GPC6: variants seen among roughly 807,000 people sequenced by gnomAD.
The protein encoded by GPC6 is glypican 6.
In GPC6, 14 loss-of-function variants were observed where a neutral mutation model predicts 55.2. The observed-to-expected ratio is 0.25, with a 90% CI of 0.17 to 0.40. The LOEUF (loss-of-function observed/expected upper bound fraction) is 0.40, where lower values mean the gene tolerates loss of function less well. Among genes scored for constraint, GPC6 ranks in the 10% least tolerant of loss-of-function variants. GPC6 has a pLI of 1.00. For synonymous variants in GPC6, 278 were observed against 259.6 expected (o/e 1.07, Z -0.68); for missense variants, 641 against 708.5 (o/e 0.90, Z 1.08).
At chr13:93,509,974 T>G (rs1880885534) in intron 1 of GPC6, among the ~76,000 whole-genome samples, 1 of 152,220 alleles carries the variant, frequency 6.6e-6, no homozygotes, top group Non-Finnish European at 1.5e-5. Context: ...TAAATTGAAT[T>G]TCTTTCATGA....
intron 1 of GPC6, among the ~76,000 whole-genome samples, chr13:93,506,897 A>C (rs1880742990): frequency 1.8e-5 from 2 of 113,512 alleles, no homozygotes; most frequent in Admixed American, 2.0e-4. Flanking sequence ...GAAAATACAA[A>C]AAAAAAAAAA....
intron 1 of GPC6, among the ~76,000 whole-genome samples, chr13:93,424,380 T>C (rs944606952): frequency 2.0e-5 from 3 of 152,030 alleles, no homozygotes; most frequent in Non-Finnish European, 4.4e-5. Flanking sequence ...TCAGCTAAGG[T>C]TGGATCCCGG....
chr13:93,301,050 C>A (rs2139093973), intron 1 of GPC6, among the ~76,000 whole-genome samples: 1 of 152,236 alleles, frequency 6.6e-6, no homozygotes, highest in African/African-American at 2.4e-5. Flanking sequence ...TGTTGCTTCA[C>A]TTCTTGTACC....
At chr13:93,664,225 T>C (rs138217979) in intron 2 of GPC6, among the ~76,000 whole-genome samples, 205 of 152,284 alleles carry the variant, frequency 1.3e-3, no homozygotes, top group African/African-American at 4.8e-3. Context: ...ATTCTCAAAC[T>C]CCATATATAG....
chr13:94,332,107 T>C (rs1877457598), intron 6 of GPC6, among the ~76,000 whole-genome samples: 1 of 152,206 alleles, frequency 6.6e-6, no homozygotes, highest in South Asian at 2.1e-4. Flanking sequence ...CCGAACAGGT[T>C]CTAGAAACTG....
intron 6 of GPC6, among the ~76,000 whole-genome samples, chr13:94,314,718 C>T (rs949767031): frequency 3.9e-5 from 6 of 152,138 alleles, no homozygotes; most frequent in Non-Finnish European, 8.8e-5. Context: ...ATATTTGCAC[C>T]ACAACTCCCA....
chr13:93,301,759 C>A (rs910449594), intron 1 of GPC6, among the ~76,000 whole-genome samples: 6 of 152,052 alleles, frequency 3.9e-5, no homozygotes, highest in Admixed American at 6.6e-5. Flanking sequence ...ACAAATGGAG[C>A]CTTTGGGAGA....
chr13:93,595,863 C>G (rs1438246228), intron 2 of GPC6, among the ~76,000 whole-genome samples: 3 of 152,126 alleles, frequency 2.0e-5, no homozygotes, highest in African/African-American at 7.2e-5. Flanking sequence ...AGCAGCATGC[C>G]TGTTCCAATG....
At chr13:94,162,899 A>G (rs1374145546) in intron 4 of GPC6, among the ~76,000 whole-genome samples, 1 of 152,166 alleles carries the variant, frequency 6.6e-6, no homozygotes, top group Non-Finnish European at 1.5e-5. Context: ...CACCATGGAC[A>G]TGGACAATAA....
chr13:93,839,888 T>G (rs1269237193), intron 3 of GPC6, among the ~76,000 whole-genome samples: 8 of 152,204 alleles, frequency 5.3e-5, no homozygotes, highest in Admixed American at 5.2e-4. Flanking sequence ...GTTAAGGATT[T>G]TAGCATCTAT....
intron 1 of GPC6, among the ~76,000 whole-genome samples, chr13:93,491,835 A>G (rs1312703420): frequency 8.5e-6 from 1 of 117,522 alleles, no homozygotes; most frequent in African/African-American, 3.1e-5. Context: ...AGTTGTAGGT[A>G]TGCGGCGTTA....
chr13:93,236,242 A>G (rs533306718), intron 1 of GPC6, among the ~76,000 whole-genome samples: 1 of 152,238 alleles, frequency 6.6e-6, no homozygotes, highest in African/African-American at 2.4e-5. Context: ...ATTCTTTTAA[A>G]TTTCAATAGC....
intron 2 of GPC6, among the ~76,000 whole-genome samples, chr13:93,753,122 T>G (rs1157788514): frequency 1.3e-5 from 2 of 152,222 alleles, no homozygotes; most frequent in Admixed American, 1.3e-4. Flanking sequence ...CAGAATGGAT[T>G]ATTCCTTGCC....
intron 2 of GPC6, among the ~76,000 whole-genome samples, chr13:93,605,544 T>C (rs1878201075): frequency 6.6e-6 from 1 of 151,674 alleles, no homozygotes; most frequent in Non-Finnish European, 1.5e-5. Flanking sequence ...ACTGAAAGAG[T>C]GAAGGCTGGC....
chr13:94,225,637 G>A (rs1179287170), intron 4 of GPC6, among the ~76,000 whole-genome samples: 1 of 145,478 alleles, frequency 6.9e-6, no homozygotes, highest in Non-Finnish European at 1.5e-5. Context: ...ATATATGTAA[G>A]GTATATATAT....
At chr13:94,398,747 C>T in intron 8 of GPC6, 106 bp downstream of exon 8, 1 of 873,448 alleles carries the variant, frequency 1.1e-6, no homozygotes. Context: ...AATTTATTCT[C>T]ATTCTTCCTC....
chr13:93,760,390 C>G (rs1417797703), intron 2 of GPC6, among the ~76,000 whole-genome samples: 2 of 152,138 alleles, frequency 1.3e-5, no homozygotes, highest in African/African-American at 2.4e-5. Flanking sequence ...ATGGACGTTC[C>G]TCTCACACCT....
chr13:94,199,116 T>C (rs1889674663), intron 4 of GPC6, among the ~76,000 whole-genome samples: 1 of 152,242 alleles, frequency 6.6e-6, no homozygotes, highest in South Asian at 2.1e-4. Context: ...GGAAGCTACA[T>C]TAGACATTTG....
rs534263877 is a variant in GPC6, at chr13:94,022,553, G to A, written c.712-5176G>A. Among the ~76,000 whole-genome samples, 5 of 152,176 alleles carry A rather than the reference G, an allele frequency of 3.3e-5. No homozygotes were observed. The East Asian group carries it at 5.8e-4, about 18-fold the overall frequency. ...ATAAAGCTGCAATAAACATGGAAGT[G>A]CAGATATCTTTACAAGGTGGTGATT... On this transcript the variant is annotated intron_variant, in intron 3 of 8. Coordinates refer to ENST00000377047, the MANE Select transcript of GPC6 (RefSeq NM_005708.5).
Sources: gnomAD v4.1 joint callset for allele counts (sites outside exome capture counted in the v4.1 genomes callset) on GRCh38, gnomAD v4.1.1 for gene constraint, MANE v1.5 for transcripts, NCBI Gene and HGNC (gene_info 2026-07-23, HGNC 2026-07-21) for gene names.